The following TANGO6 variants were observed in gnomAD, a reference collection of about 807,000 sequenced individuals.
The protein encoded by TANGO6 is transport and golgi organization 6 homolog.
TANGO6 carries 90 observed loss-of-function variants against 114.2 expected under a neutral mutation model. The observed-to-expected ratio is 0.79, with a 90% CI of 0.66 to 0.94. The LOEUF (loss-of-function observed/expected upper bound fraction) is 0.94, where lower values mean the gene tolerates loss of function less well. TANGO6 is among the 40% of genes least tolerant of loss of function. The probability of loss-of-function intolerance (pLI) is 0.00; values close to 1 mark genes in which losing one functional copy is unlikely to be tolerated. For missense variants in TANGO6, 1,274 were observed against 1,315.3 expected (o/e 0.97, Z 0.49); for synonymous variants, 477 against 509.8 (o/e 0.94, Z 0.87).
intron 15 of TANGO6, among the ~76,000 whole-genome samples, chr16:68,977,312 G>T (rs1221079803): frequency 9.6e-5 from 14 of 145,208 alleles, no homozygotes; most frequent in Admixed American, 3.4e-4. Flanking sequence ...TTTTGTTTTT[G>T]TTTTTTTTTT....
chr16:68,908,348 C>G (rs1374584580), intron 10 of TANGO6, among the ~76,000 whole-genome samples: 1 of 152,136 alleles, frequency 6.6e-6, no homozygotes, highest in African/African-American at 2.4e-5. Context: ...CCCAGCAATA[C>G]TCTTTCTAAA....
chr16:69,048,532 G>T (rs1344003685), intron 17 of TANGO6, among the ~76,000 whole-genome samples: 1 of 151,860 alleles, frequency 6.6e-6, no homozygotes, highest in Non-Finnish European at 1.5e-5. Flanking sequence ...GCCTCCCAGG[G>T]ATTAATTATT....
intron 17 of TANGO6, among the ~76,000 whole-genome samples, chr16:69,060,921 G>A (rs905769776): frequency 1.3e-5 from 2 of 151,956 alleles, no homozygotes; most frequent in African/African-American, 4.8e-5. Flanking sequence ...GAACCCGGGA[G>A]GCAGAGGTTA....
intron 2 of TANGO6, among the ~76,000 whole-genome samples, 175 bp downstream of exon 2, chr16:68,860,699 G>A (rs1283050427): frequency 6.6e-6 from 1 of 152,088 alleles, no homozygotes; most frequent in African/African-American, 2.4e-5. Context: ...CATTTATTGG[G>A]TTCTCGTCCT....
intron 7 of TANGO6, among the ~76,000 whole-genome samples, chr16:68,896,404 C>T (rs1018445235): frequency 6.6e-6 from 1 of 152,068 alleles, no homozygotes; most frequent in Non-Finnish European, 1.5e-5. Context: ...CCTCAAGCCC[C>T]TGGGCTCAAG....
intron 15 of TANGO6, among the ~76,000 whole-genome samples, chr16:69,000,578 AC>A (rs1169288552): frequency 6.6e-6 from 1 of 152,092 alleles, no homozygotes; most frequent in East Asian, 1.9e-4. Flanking sequence ...TTAAAGGCAA[AC>A]AAAAATCTTT....
chr16:69,075,810 G>A (rs1338442194), intron 17 of TANGO6, among the ~76,000 whole-genome samples: 1 of 142,336 alleles, frequency 7.0e-6, no homozygotes, highest in Non-Finnish European at 1.5e-5. Context: ...TGTGTTACCC[G>A]GACTGGAGTA....
Position 68,843,627 on chromosome 16 carries a change from C to G in TANGO6, c.10C>G (p.Arg4Gly). 1.2e-6 allele frequency: 2 copies of G among 1,613,440 alleles called. No homozygotes were observed. Among genetic ancestry groups the G allele is most frequent in the Non-Finnish European group, 8.5e-7 (1 of 1,179,646 alleles). ...GTGTTACACTCCAGTCATGGCGGCCCGACAGGCCGTGGGCAGCGGGGCTCA... is the reference window on the plus strand; with the variant it reads ...GTGTTACACTCCAGTCATGGCGGCCGGACAGGCCGTGGGCAGCGGGGCTCA... The part of the protein sequence containing the change: MAA[R>G]QAVGSGAQET... The change falls in exon 1 of 18, where the codon CGA becomes GGA. Residue 4 changes from arginine to glycine, a missense_variant. By Grantham distance (125) the Arg-to-Gly change is moderately radical. Coordinates refer to ENST00000261778, the MANE Select transcript of TANGO6 (RefSeq NM_024562.2).
At chr16:68,950,916 G>T (rs1417348614) in intron 14 of TANGO6, among the ~76,000 whole-genome samples, 1 of 152,040 alleles carries the variant, frequency 6.6e-6, no homozygotes, top group Non-Finnish European at 1.5e-5. Flanking sequence ...GAACAGTACT[G>T]TTGTTTTTTG....
intron 15 of TANGO6, among the ~76,000 whole-genome samples, chr16:69,007,346 T>G (rs1964102067): frequency 6.7e-6 from 1 of 148,858 alleles, no homozygotes; most frequent in African/African-American, 2.5e-5. Context: ...CTCGGCTCAC[T>G]GCAACCTCTG....
At chr16:69,021,844 A>G (rs1158163599) in intron 15 of TANGO6, among the ~76,000 whole-genome samples, 1 of 149,860 alleles carries the variant, frequency 6.7e-6, no homozygotes, top group Non-Finnish European at 1.5e-5. Flanking sequence ...CTATATACTT[A>G]TGATATATAC....
intron 1 of TANGO6, among the ~76,000 whole-genome samples, chr16:68,854,424 GA>G (rs1297065154): frequency 6.6e-6 from 1 of 152,090 alleles, no homozygotes; most frequent in Non-Finnish European, 1.5e-5. Flanking sequence ...CAGCCTGGGT[GA>G]CAGAGCAAGA....
chr16:69,081,312 C>CT (rs145479650), intron 17 of TANGO6, among the ~76,000 whole-genome samples: 3,888 of 152,184 alleles, frequency 0.026, 170 homozygotes, highest in African/African-American at 0.088. Context: ...ACATGACCCC[C>CT]TGTGGCCCAA....
At chr16:69,063,745 G>A (rs906479024) in intron 17 of TANGO6, among the ~76,000 whole-genome samples, 2 of 148,452 alleles carry the variant, frequency 1.3e-5, no homozygotes, top group Non-Finnish European at 1.5e-5. Flanking sequence ...ATCATTCAGA[G>A]GCAATGGTAT....
intron 14 of TANGO6, among the ~76,000 whole-genome samples, chr16:68,952,178 G>C (rs967914918): frequency 6.6e-6 from 1 of 152,128 alleles, no homozygotes; most frequent in Non-Finnish European, 1.5e-5. Context: ...GCAGAACAGC[G>C]ATTTAAATTT....
intron 15 of TANGO6, among the ~76,000 whole-genome samples, chr16:68,997,773 C>T (rs1445994758): frequency 6.6e-6 from 1 of 152,192 alleles, no homozygotes; most frequent in East Asian, 1.9e-4. Flanking sequence ...AAGATGGAGT[C>T]ACTCTGGTTA....
Position 68,875,155 on chromosome 16 carries a change from G to C in TANGO6, c.996G>C (p.Ala332=). The change falls in exon 5 of 18, where the codon GCG becomes GCC. Residue 332 remains alanine, a splice_region_variant and synonymous_variant. Transcript: ENST00000261778. The part of the protein sequence containing the change: ...VVRGILEGAG[A]GAAGGSDAEV... The stretch of plus-strand genomic sequence containing the variant: ...TAACATCTCTCTCCATTGTGCCAGC[G>C]GGAGCAGCTGGTGGAAGTGATGCTG... The C allele has an allele frequency of 6.2e-7, 1 of 1,610,420 alleles. No individual in the cohort carries two copies. The highest frequency in any genetic ancestry group is 8.5e-7 in the Non-Finnish European group (1 of 1,177,442).
chr16:68,911,415 C>CTTT (rs776375913), intron 11 of TANGO6, among the ~76,000 whole-genome samples: 3 of 133,618 alleles, frequency 2.2e-5, no homozygotes, highest in Admixed American at 7.6e-5. Context: ...TTTATAGTTT[C>CTTT]TTTTTTTTTT....
chr16:69,032,174 G>T (rs530206886), intron 16 of TANGO6, among the ~76,000 whole-genome samples: 1 of 152,224 alleles, frequency 6.6e-6, no homozygotes, highest in South Asian at 2.1e-4. Context: ...GGAGCCTTGT[G>T]TGGACTTTGG....
Sources: allele counts gnomAD v4.1 joint callset (sites outside exome capture counted in the v4.1 genomes callset), GRCh38; gene constraint gnomAD v4.1.1; transcripts MANE v1.5; gene names NCBI Gene and HGNC (gene_info 2026-07-23, HGNC 2026-07-21).